HERC3: variants seen among roughly 807,000 people sequenced by gnomAD.
HERC3 encodes HECT and RLD domain containing E3 ubiquitin protein ligase 3.
A neutral mutation model predicts 129.9 loss-of-function variants in HERC3; 58 were observed. The ratio of observed to expected loss-of-function variants is 0.45; its 90% CI spans 0.36 to 0.56. The LOEUF (loss-of-function observed/expected upper bound fraction) is 0.56, where lower values mean the gene tolerates loss of function less well. Among genes scored for constraint, HERC3 ranks in the 20% least tolerant of loss-of-function variants. HERC3 has a pLI of 0.00. For synonymous variants in HERC3, 430 were observed against 451.0 expected, an observed-to-expected ratio of 0.95 and a Z score of 0.59; for missense variants, 835 against 1,244.2, an observed-to-expected ratio of 0.67 and a Z score of 4.95.
At chr4:88,669,434 A>AT (rs1370967512) in intron 14 of HERC3, among the ~76,000 whole-genome samples, 1 of 152,164 alleles carries the variant, frequency 6.6e-6, no homozygotes, top group Non-Finnish European at 1.5e-5. Context: ...AATGGTTGCC[A>AT]TATTGGTGCT....
At chr4:88,634,399 G>A (rs1465706373) in intron 3 of HERC3, among the ~76,000 whole-genome samples, 1 of 152,202 alleles carries the variant, frequency 6.6e-6, no homozygotes, top group Non-Finnish European at 1.5e-5. Context: ...CGCTCCTTGT[G>A]GGAGGGGTGG....
chr4:88,694,724 T>C (rs1442962359), intron 23 of HERC3, among the ~76,000 whole-genome samples: 3 of 152,238 alleles, frequency 2.0e-5, no homozygotes, highest in Non-Finnish European at 2.9e-5. Context: ...TTTTGTGATA[T>C]TCAGTCTTAC....
rs1488623793 is a variant in HERC3 at position 88,664,364 on chromosome 4, G to A, written c.1331+152G>A. 6.5e-6 allele frequency: 4 copies of A among 615,594 alleles called. No individual in the cohort carries two copies. The East Asian group carries it at 8.5e-5, about 13-fold the overall frequency. The allele number at this position is 615,594 out of a possible 1,614,324, so 38.1% of individuals were successfully genotyped here. A position where few individuals can be genotyped will look rare whatever the true frequency, so the allele number is the denominator to read the frequency against. ...TGAATAGCCACTGAATTCCAGCCTGGACAACATAGTGAGGCCCCATCTTTT... is the reference window on the plus strand; with the variant it reads ...TGAATAGCCACTGAATTCCAGCCTGAACAACATAGTGAGGCCCCATCTTTT... On this transcript the variant is annotated intron_variant, in intron 12 of 25. Transcript: ENST00000402738.
chr4:88,654,387 T>TATATATATATATAC (rs1321614619), intron 7 of HERC3, among the ~76,000 whole-genome samples: 2 of 94,316 alleles, frequency 2.1e-5, no homozygotes, highest in Non-Finnish European at 2.4e-5. Context: ...TATATATATA[T>TATATATATATATAC]ACACACACAC....
At chr4:88,554,667 A>C in the HERC3 span, among the ~76,000 whole-genome samples, 1 of 152,290 alleles carries the variant, frequency 6.6e-6, no homozygotes, top group African/African-American at 2.4e-5. Context: ...AGAATGGGAA[A>C]ATTTTTGACA....
chr4:88,647,970 C>T (rs2149266103), intron 3 of HERC3, among the ~76,000 whole-genome samples: 1 of 152,190 alleles, frequency 6.6e-6, no homozygotes, highest in African/African-American at 2.4e-5. Flanking sequence ...TCCTCACCAC[C>T]AGACACTCAT....
intron 12 of HERC3, among the ~76,000 whole-genome samples, chr4:88,665,879 A>T (rs1162617424): frequency 1.3e-5 from 2 of 152,144 alleles, no homozygotes; most frequent in African/African-American, 4.8e-5. Context: ...GATTATGCTG[A>T]TGTTGGCCTT....
the HERC3 span, among the ~76,000 whole-genome samples, chr4:88,549,985 T>C: frequency 3.3e-5 from 5 of 152,262 alleles, no homozygotes; most frequent in Middle Eastern, 6.8e-3. Flanking sequence ...GAAAGTTTCC[T>C]TATTGGGGAA....
intron 21 of HERC3, among the ~76,000 whole-genome samples, chr4:88,682,785 G>A (rs1218774112): frequency 8.2e-4 from 124 of 151,822 alleles, no homozygotes; most frequent in Middle Eastern, 3.4e-3. Flanking sequence ...ATAAACATAC[G>A]TGTGCATGTG....
intron 23 of HERC3, among the ~76,000 whole-genome samples, chr4:88,700,793 G>A (rs954333172): frequency 2.0e-5 from 3 of 152,134 alleles, no homozygotes; most frequent in Admixed American, 6.6e-5. Context: ...AGGCTGTAAG[G>A]CTAGAAATTC....
the HERC3 span, among the ~76,000 whole-genome samples, chr4:88,586,521 G>C: frequency 1.3e-5 from 2 of 151,976 alleles, no homozygotes; most frequent in Non-Finnish European, 2.9e-5. Context: ...ACCATGCCCG[G>C]CTAATTTTGT....
chr4:88,700,792 G>A (rs1455919124), intron 23 of HERC3, among the ~76,000 whole-genome samples: 1 of 152,146 alleles, frequency 6.6e-6, no homozygotes, highest in Non-Finnish European at 1.5e-5. Context: ...TAGGCTGTAA[G>A]GCTAGAAATT....
chr4:88,675,818 G>A lies in HERC3; in HGVS notation c.1912-400G>A, dbSNP rs942577122. On this transcript the variant is annotated intron_variant, in intron 16 of 25. Transcript: ENST00000402738. ...AGCCTGTGTGTATGTGTGTGTGTGT[G>A]TAGGAAGATGCAACATCATTTAACA... is the stretch of plus-strand genomic sequence containing the variant. 2.0e-5 allele frequency among the ~76,000 whole-genome samples: 3 copies of A among 151,954 alleles called. No homozygotes were observed. In the South Asian group the frequency reaches 6.2e-4, roughly 32 times the overall value.
rs761799160 is a variant in HERC3 at position 88,650,040 on chromosome 4, T to G, written c.386+41T>G. The stretch of plus-strand genomic sequence containing the variant: ...AATGTCAGTCGTTTTAAATGCTATT[T>G]CCTGCTGTTGATTTGTTAGACTCCT... On this transcript the variant is annotated intron_variant, in intron 4 of 25. Transcript: ENST00000402738. The G allele has an allele frequency of 5.7e-6, 9 of 1,585,550 alleles. No homozygotes were observed. The African/African-American group carries it at 1.1e-4, about 19-fold the overall frequency.
chr4:88,580,701 A>G, the HERC3 span, among the ~76,000 whole-genome samples: 2,566 of 152,274 alleles, frequency 0.017, 27 homozygotes, highest in Non-Finnish European at 0.026. Context: ...ACATAGTACA[A>G]TGATGCTTAC....
intron 23 of HERC3, among the ~76,000 whole-genome samples, chr4:88,688,789 CAAG>C (rs1281815312): frequency 1.3e-5 from 2 of 152,060 alleles, no homozygotes; most frequent in Non-Finnish European, 2.9e-5. Flanking sequence ...CAAGAATCAA[CAAG>C]AAAGAAGTGG....
At chr4:88,690,138 A>G in intron 23 of HERC3, 2 of 985,436 alleles carry the variant, frequency 2.0e-6, no homozygotes, top group Non-Finnish European at 2.4e-6. Flanking sequence ...AGAATGTTGC[A>G]ATCAAAACCC....
the HERC3 span, among the ~76,000 whole-genome samples, chr4:88,576,733 G>A: frequency 6.6e-6 from 1 of 152,044 alleles, no homozygotes; most frequent in African/African-American, 2.4e-5. Context: ...ATTTTAAAAT[G>A]CTCTTAGTAC....
intron 23 of HERC3, among the ~76,000 whole-genome samples, chr4:88,700,182 T>C (rs924984688): frequency 6.6e-6 from 1 of 152,112 alleles, no homozygotes; most frequent in Non-Finnish European, 1.5e-5. Context: ...TATTTTACTT[T>C]TTATTATTGG....
Sources: allele counts gnomAD v4.1 joint callset (sites outside exome capture counted in the v4.1 genomes callset), GRCh38; gene constraint gnomAD v4.1.1; transcripts MANE v1.5; gene names NCBI Gene and HGNC (gene_info 2026-07-23, HGNC 2026-07-21).